The following CDIN1 variants were observed in gnomAD, a reference collection of about 807,000 sequenced individuals.
CDIN1 encodes CDAN1 interacting nuclease 1, also known as CDAN1-interacting nuclease 1.
In CDIN1, 33 loss-of-function variants were observed where a neutral mutation model predicts 45.3. The observed-to-expected ratio is 0.73, with a 90% confidence interval of 0.55 to 0.97. CDIN1 has a LOEUF of 0.97. Ranked by LOEUF, CDIN1 falls within the 50% of genes least tolerant of loss-of-function variation. CDIN1 has a pLI of 0.00. For missense variants in CDIN1, 303 were observed against 339.4 expected (o/e 0.89, Z 0.84); for synonymous variants, 118 against 124.4 (o/e 0.95, Z 0.34).
chr15:36,793,200 C>T (rs892475560), intron 10 of CDIN1, among the ~76,000 whole-genome samples: 1 of 152,162 alleles, frequency 6.6e-6, no homozygotes, highest in Non-Finnish European at 1.5e-5. Flanking sequence ...TTCATACACT[C>T]ATCTTTTTAC....
chr15:36,627,845 C>G (rs16963720), intron 1 of CDIN1: 4,940 of 152,298 alleles, frequency 0.032, 91 homozygotes, highest in South Asian at 0.05. Context: ...GGCGGCCCAC[C>G]AGGTTCACAT....
At chr15:36,662,144 T>A (rs1234240752) in intron 5 of CDIN1, among the ~76,000 whole-genome samples, 1 of 152,216 alleles carries the variant, frequency 6.6e-6, no homozygotes, top group Non-Finnish European at 1.5e-5. Flanking sequence ...TTACCTTTGC[T>A]TTCTTTCATG....
At chr15:36,721,134 T>A (rs758842286) in intron 10 of CDIN1, among the ~76,000 whole-genome samples, 7 of 152,178 alleles carry the variant, frequency 4.6e-5, no homozygotes, top group Non-Finnish European at 1.0e-4. Flanking sequence ...TGTTTTTTTC[T>A]CGTAAATTTG....
chr15:36,617,227 G>C (rs1595749721), intron 1 of CDIN1: 1 of 875,850 alleles, frequency 1.1e-6, no homozygotes, highest in Non-Finnish European at 2.0e-6. Context: ...GCATGAAACA[G>C]CAGCCACATC....
chr15:36,613,419 C>T lies in CDIN1; in HGVS notation c.102-30859C>T, dbSNP rs571550471. ...CTCAGTTTTGGAGAGGAGGCTGCAACGCTGAGTGGAGGAGGCAGGAACTGG... is the reference window on the plus strand; with the variant it reads ...CTCAGTTTTGGAGAGGAGGCTGCAATGCTGAGTGGAGGAGGCAGGAACTGG... On this transcript the variant is annotated intron_variant, in intron 1 of 10. Coordinates refer to ENST00000566621, the MANE Select transcript of CDIN1 (RefSeq NM_001321759.2). 93 of 1,369,818 alleles carry T rather than the reference C, an allele frequency of 6.8e-5. 2 individuals are homozygous for T. The highest frequency in any genetic ancestry group is 2.0e-4 in the South Asian group (17 of 83,678). The allele number at this position is 1,369,818 out of a possible 1,614,324, so 84.9% of individuals were successfully genotyped here.
chr15:36,802,412 C>G (rs980241853), intron 10 of CDIN1, among the ~76,000 whole-genome samples: 2 of 152,136 alleles, frequency 1.3e-5, no homozygotes, highest in Admixed American at 6.5e-5. Flanking sequence ...AGAAGCTCAG[C>G]TGGCTTCAGG....
chr15:36,580,344 A>AC (rs1197902409), intron 1 of CDIN1, among the ~76,000 whole-genome samples: 1 of 152,080 alleles, frequency 6.6e-6, no homozygotes, highest in African/African-American at 2.4e-5. Flanking sequence ...CAAATGGAGG[A>AC]CCCTTTTCAA....
chr15:36,610,756 C>G (rs752858459), intron 1 of CDIN1, among the ~76,000 whole-genome samples: 1 of 152,162 alleles, frequency 6.6e-6, no homozygotes, highest in Non-Finnish European at 1.5e-5. Context: ...TTTAAGAGAA[C>G]CTGTAACATC....
chr15:36,688,057 T>TA (rs2042121783), intron 5 of CDIN1, among the ~76,000 whole-genome samples: 1 of 151,688 alleles, frequency 6.6e-6, no homozygotes, highest in South Asian at 2.1e-4. Context: ...TATTTTAAAA[T>TA]AAAAAATTGA....
At chr15:36,786,847 C>A (rs1026467288) in intron 10 of CDIN1, among the ~76,000 whole-genome samples, 1 of 152,058 alleles carries the variant, frequency 6.6e-6, no homozygotes, top group East Asian at 1.9e-4. Flanking sequence ...TCCTTTTTGA[C>A]CACTCTCCTC....
chr15:36,667,368 A>G (rs937288440), intron 5 of CDIN1, among the ~76,000 whole-genome samples: 2 of 152,230 alleles, frequency 1.3e-5, no homozygotes, highest in Non-Finnish European at 2.9e-5. Context: ...TTTATTTCTT[A>G]ATCATGAGCT....
intron 1 of CDIN1, among the ~76,000 whole-genome samples, chr15:36,626,409 C>T (rs1188854853): frequency 2.0e-5 from 3 of 151,344 alleles, no homozygotes; most frequent in Admixed American, 2.0e-4. Flanking sequence ...AAATAGTTCT[C>T]GAGGGGAAAA....
At chr15:36,759,436 C>T (rs1192447773) in intron 10 of CDIN1, among the ~76,000 whole-genome samples, 1 of 152,006 alleles carries the variant, frequency 6.6e-6, no homozygotes, top group Non-Finnish European at 1.5e-5. Flanking sequence ...TCTTTATTTT[C>T]CTCACAATTG....
chr15:36,741,409 A>T (rs974791590), intron 10 of CDIN1, among the ~76,000 whole-genome samples: 2 of 151,936 alleles, frequency 1.3e-5, no homozygotes, highest in Non-Finnish European at 2.9e-5. Flanking sequence ...ACCAGTTGAC[A>T]TCATTGTCTT....
At chr15:36,606,867 A>G (rs534262218) in intron 1 of CDIN1, among the ~76,000 whole-genome samples, 2 of 152,278 alleles carry the variant, frequency 1.3e-5, no homozygotes, top group African/African-American at 4.8e-5. Context: ...CTCTTTTTGT[A>G]CAATTAGGGG....
chr15:36,599,022 G>C (rs1176976437), intron 1 of CDIN1, among the ~76,000 whole-genome samples: 2 of 151,692 alleles, frequency 1.3e-5, no homozygotes, highest in South Asian at 2.1e-4. Flanking sequence ...TATGCATTCA[G>C]TGAATTCTTG....
chr15:36,792,882 CG>C (rs2054683436), intron 10 of CDIN1, among the ~76,000 whole-genome samples: 1 of 152,090 alleles, frequency 6.6e-6, no homozygotes, highest in African/African-American at 2.4e-5. Flanking sequence ...CCCTTCCCTC[CG>C]GTCCTCATCA....
At chr15:36,633,919 A>G (rs2039788515) in intron 1 of CDIN1, among the ~76,000 whole-genome samples, 1 of 151,874 alleles carries the variant, frequency 6.6e-6, no homozygotes, top group African/African-American at 2.4e-5. Flanking sequence ...CATGATGCCC[A>G]GATTATTTTT....
chr15:36,765,384 A>C (rs4923724), intron 10 of CDIN1, among the ~76,000 whole-genome samples: 104,089 of 152,008 alleles, frequency 0.68, 35,812 homozygotes, highest in East Asian at 0.93. Context: ...AGGAGAAATA[A>C]ACTTTTTTCT....
Sources: gnomAD v4.1 joint callset for allele counts (sites outside exome capture counted in the v4.1 genomes callset) on GRCh38, gnomAD v4.1.1 for gene constraint, MANE v1.5 for transcripts, NCBI Gene and HGNC (gene_info 2026-07-23, HGNC 2026-07-21) for gene names.